HDAC9: variants seen among roughly 807,000 people sequenced by gnomAD.
HDAC9 encodes MEF-2 interacting transcription repressor (MITR) protein.
HDAC9 carries 41 observed loss-of-function variants against 139.4 expected under a neutral mutation model. That is an observed-to-expected ratio of 0.29 (90% CI 0.23 to 0.38). The LOEUF (loss-of-function observed/expected upper bound fraction) is 0.38. Among genes scored for constraint, HDAC9 ranks in the 10% least tolerant of loss-of-function variants. The pLI is 1.00. For synonymous variants in HDAC9, 517 were observed against 476.2 expected, an observed-to-expected ratio of 1.09 and a Z score of -1.12; for missense variants, 1,147 against 1,297.0, an observed-to-expected ratio of 0.88 and a Z score of 1.78.
intron 1 of HDAC9, among the ~76,000 whole-genome samples, chr7:18,375,869 C>T (rs1035667248): frequency 6.6e-6 from 1 of 152,114 alleles, no homozygotes; most frequent in Non-Finnish European, 1.5e-5. Flanking sequence ...GGATCTGTCC[C>T]TAATGCTAAT....
chr7:18,207,232 A>G (rs761699350), intron 2 of HDAC9, among the ~76,000 whole-genome samples: 18 of 152,022 alleles, frequency 1.2e-4, no homozygotes, highest in Non-Finnish European at 2.4e-4. Context: ...AGCCACTGCA[A>G]CTGGCCCTGA....
intron 6 of HDAC9, among the ~76,000 whole-genome samples, chr7:18,601,422 G>A (rs868211689): frequency 6.6e-6 from 1 of 151,614 alleles, no homozygotes; most frequent in African/African-American, 2.4e-5. Flanking sequence ...GGACAAAAAC[G>A]TTACTTTATT....
chr7:18,390,907 G>T (rs889957078), intron 1 of HDAC9, among the ~76,000 whole-genome samples: 1 of 152,160 alleles, frequency 6.6e-6, no homozygotes, highest in Non-Finnish European at 1.5e-5. Flanking sequence ...TGGCTAACAT[G>T]ATGAGATCCT....
At chr7:18,320,614 G>A (rs1799958077) in intron 1 of HDAC9, among the ~76,000 whole-genome samples, 1 of 152,174 alleles carries the variant, frequency 6.6e-6, no homozygotes, top group Non-Finnish European at 1.5e-5. Flanking sequence ...TCTTTCTGCT[G>A]ACTCATTTTT....
rs374813106 is a variant in HDAC9, at chr7:18,195,267, G to A, written c.25+32918G>A. 8.6e-5 allele frequency among the ~76,000 whole-genome samples: 13 copies of A among 152,042 alleles called. No individual in the cohort carries two copies. In the South Asian group the frequency reaches 1.0e-3, roughly 12 times the overall value. Reference sequence around the variant, plus strand: ...TAAAACCCTAGTTGAGATGCATTTTGGAGTCAAGAATTTATCAGATTTTAA... The same window carrying A: ...TAAAACCCTAGTTGAGATGCATTTTAGAGTCAAGAATTTATCAGATTTTAA... On this transcript the variant is annotated intron_variant, in intron 2 of 12. Coordinates refer to the HDAC9 transcript ENST00000417496.
chr7:18,398,545 T>C (rs916444717), intron 1 of HDAC9, among the ~76,000 whole-genome samples: 1 of 152,186 alleles, frequency 6.6e-6, no homozygotes, highest in African/African-American at 2.4e-5. Context: ...AACATTGTGA[T>C]GGACTTTATA....
At chr7:18,654,649 C>T (rs985392122) in intron 11 of HDAC9, among the ~76,000 whole-genome samples, 1 of 152,006 alleles carries the variant, frequency 6.6e-6, no homozygotes, top group African/African-American at 2.4e-5. Flanking sequence ...AAGCAGGAAA[C>T]CGGCTTTTCC....
At chr7:18,334,794 A>G (rs901930118) in intron 1 of HDAC9, among the ~76,000 whole-genome samples, 7 of 151,554 alleles carry the variant, frequency 4.6e-5, no homozygotes, top group South Asian at 2.1e-4. Context: ...TTCGATGTCT[A>G]TAAGGAGAGT....
intron 17 of HDAC9, among the ~76,000 whole-genome samples, chr7:18,828,740 A>G (rs1267875096): frequency 1.3e-5 from 2 of 152,148 alleles, no homozygotes; most frequent in East Asian, 3.9e-4. Context: ...CAGTTAAAGA[A>G]TTTTCACTTT....
At chr7:18,392,964 C>G (rs981813860) in intron 1 of HDAC9, among the ~76,000 whole-genome samples, 19 of 69,672 alleles carry the variant, frequency 2.7e-4, no homozygotes, top group Non-Finnish European at 5.6e-4. Context: ...ATAAAATAGA[C>G]AAAATTTCAC....
chr7:18,232,295 T>G (rs1436967959), intron 2 of HDAC9, among the ~76,000 whole-genome samples: 3 of 152,058 alleles, frequency 2.0e-5, no homozygotes. Flanking sequence ...AGGGTTGCAG[T>G]GTAATTAATA....
At chr7:18,652,706 T>C (rs1789697546) in intron 11 of HDAC9, among the ~76,000 whole-genome samples, 1 of 152,188 alleles carries the variant, frequency 6.6e-6, no homozygotes, top group African/African-American at 2.4e-5. Flanking sequence ...AGAATATTAA[T>C]ATCTTTATTA....
intron 16 of HDAC9, among the ~76,000 whole-genome samples, chr7:18,781,018 G>A (rs1453921639): frequency 6.6e-6 from 1 of 151,974 alleles, no homozygotes; most frequent in Non-Finnish European, 1.5e-5. Context: ...ATATCAAAAT[G>A]TTGGCAGATT....
At chr7:18,278,664 C>A (rs990377846) in intron 2 of HDAC9, among the ~76,000 whole-genome samples, 3 of 152,050 alleles carry the variant, frequency 2.0e-5, no homozygotes, top group Non-Finnish European at 4.4e-5. Flanking sequence ...CTATATGATG[C>A]AGTTATTTCT....
intron 12 of HDAC9, among the ~76,000 whole-genome samples, chr7:18,726,347 G>T (rs1785544966): frequency 6.6e-6 from 1 of 152,130 alleles, no homozygotes; most frequent in Non-Finnish European, 1.5e-5. Context: ...AGGTAGAAGG[G>T]GAGCACCTAG....
intron 17 of HDAC9, among the ~76,000 whole-genome samples, chr7:18,802,412 G>A (rs968692797): frequency 6.6e-6 from 1 of 151,800 alleles, no homozygotes; most frequent in Non-Finnish European, 1.5e-5. Context: ...TATGAGACCC[G>A]CTTTATTGAC....
chr7:18,137,955 A>G (rs1486138420), intron 1 of HDAC9, among the ~76,000 whole-genome samples: 1 of 151,326 alleles, frequency 6.6e-6, no homozygotes, highest in Admixed American at 6.6e-5. Context: ...TTGGTTGGTA[A>G]GCTATTGATT....
chr7:18,422,742 GCGCACACACACACACACACA>G (rs1789748585), intron 1 of HDAC9, among the ~76,000 whole-genome samples: 1 of 136,124 alleles, frequency 7.3e-6, no homozygotes. Context: ...ACACACACAC[GCGCACACACACACACACACA>G]CACACACACA....
intron 1 of HDAC9, chr7:18,327,367 TTTGCAGTA>T (rs1204475773): frequency 6.6e-6 from 1 of 151,942 alleles, no homozygotes; most frequent in Non-Finnish European, 1.5e-5. Flanking sequence ...ATATAGTTAA[TTTGCAGTA>T]ATAATCACAT....
Sources: gnomAD v4.1 joint callset for allele counts (sites outside exome capture counted in the v4.1 genomes callset) on GRCh38, gnomAD v4.1.1 for gene constraint, MANE v1.5 for transcripts, NCBI Gene and HGNC (gene_info 2026-07-23, HGNC 2026-07-21) for gene names.